NREP: variants seen among roughly 807,000 people sequenced by gnomAD.
The protein encoded by NREP is neuronal regeneration related protein.
NREP carries 5 observed loss-of-function variants against 8.6 expected under a neutral mutation model. The observed-to-expected ratio is 0.58, with a 90% CI of 0.30 to 1.22. NREP has a LOEUF of 1.22. Ranked by LOEUF, NREP falls within the 50% of genes most tolerant of loss-of-function variation. The probability of loss-of-function intolerance (pLI) is 0.07; values close to 1 mark genes in which losing one functional copy is unlikely to be tolerated. For synonymous variants in NREP, 27 were observed against 28.0 expected, an observed-to-expected ratio of 0.96 and a Z score of 0.11; for missense variants, 86 against 82.5, an observed-to-expected ratio of 1.04 and a Z score of -0.17.
chr5:111,874,302 C>A (rs1753855767), intron 2 of NREP, among the ~76,000 whole-genome samples: 1 of 152,124 alleles, frequency 6.6e-6, no homozygotes, highest in South Asian at 2.1e-4. Flanking sequence ...ACTAAGAACT[C>A]AATCTGGAAA....
intron 2 of NREP, among the ~76,000 whole-genome samples, chr5:111,897,121 A>T (rs1352210687): frequency 6.6e-6 from 1 of 152,122 alleles, no homozygotes. Context: ...TAAATAACAC[A>T]TTGTGATTTT....
chr5:111,825,088 T>C (rs181877794), intron 2 of NREP, among the ~76,000 whole-genome samples: 2 of 152,340 alleles, frequency 1.3e-5, no homozygotes, highest in East Asian at 3.8e-4. Flanking sequence ...TTATGTAGAC[T>C]CTATTTTCCT....
At chr5:111,757,229 TGGGGGGGGA>T, upstream of NREP, 2 of 180,912 alleles carry the variant, frequency 1.1e-5, no homozygotes, top group Non-Finnish European at 1.4e-5. Context: ...AAAGACAGAT[TGGGGGGGGA>T]GGGGGGATTG....
At chr5:111,947,664 G>A (rs890480013) in intron 2 of NREP, among the ~76,000 whole-genome samples, 12 of 152,012 alleles carry the variant, frequency 7.9e-5, no homozygotes, top group East Asian at 5.8e-4. Context: ...ATAGAGGTTC[G>A]AATACCTATA....
chr5:111,920,355 C>T (rs530504577), intron 2 of NREP, among the ~76,000 whole-genome samples: 8 of 151,944 alleles, frequency 5.3e-5, no homozygotes, highest in Non-Finnish European at 8.8e-5. Flanking sequence ...AAATTTGTTA[C>T]ATATGTATAC....
intron 2 of NREP, among the ~76,000 whole-genome samples, chr5:111,834,971 C>T (rs1445360609): frequency 6.6e-6 from 1 of 152,112 alleles, no homozygotes; most frequent in Non-Finnish European, 1.5e-5. Context: ...CTGTTTTAAC[C>T]TTCTTTGAAT....
In NREP at chr5:111,888,382, A is replaced by T. The variant is rs375798149; in HGVS notation, c.135+86892T>A. On this transcript the variant is annotated intron_variant, in intron 2 of 3. Coordinates refer to the NREP transcript ENST00000395634. Reference sequence around the variant, plus strand: ...GAAACTTACAATCATGGTGGGAGGCAAAGGAGAAGCAAGGCAACTTCTTCA... The same window carrying T: ...GAAACTTACAATCATGGTGGGAGGCTAAGGAGAAGCAAGGCAACTTCTTCA... Among the ~76,000 whole-genome samples, 23 of 152,106 alleles carry T rather than the reference A, an allele frequency of 1.5e-4. No individual in the cohort carries two copies. In the East Asian group the frequency reaches 1.5e-3, roughly 10 times the overall value.
chr5:111,960,165 G>A (rs1182111092), intron 2 of NREP, among the ~76,000 whole-genome samples: 2 of 152,158 alleles, frequency 1.3e-5, no homozygotes, highest in African/African-American at 4.8e-5. Context: ...AACACTGGCT[G>A]TGAGATTTTT....
chr5:111,975,350 T>C lies in NREP; in HGVS notation c.59A>G (p.Gln20Arg), dbSNP rs368831060. 8.5e-4 allele frequency: 1,324 copies of C among 1,551,658 alleles called. 2 individuals carry two copies. Among genetic ancestry groups the C allele is most frequent in the Non-Finnish European group, 1.1e-3 (1,215 of 1,146,934 alleles). Residue 20 changes from glutamine (Q) to arginine (R), a missense_variant, in exon 2 of 4, where the codon CAG becomes CGG. Coordinates refer to the NREP transcript ENST00000395634. Reference sequence around the variant, plus strand: ...GACTCTGTCTGTCATCCTGCTCCTCTGGGTTCGTGTTTCATCTTCTCTTCG... The same window carrying C: ...GACTCTGTCTGTCATCCTGCTCCTCCGGGTTCGTGTTTCATCTTCTCTTCG...
intron 2 of NREP, among the ~76,000 whole-genome samples, chr5:111,921,867 G>C (rs374035630): frequency 3.0e-4 from 45 of 152,256 alleles, no homozygotes; most frequent in Middle Eastern, 3.4e-3. Context: ...AGTCTCACTA[G>C]ATCTGATGGG....
intron 2 of NREP, among the ~76,000 whole-genome samples, chr5:111,751,556 C>T (rs1373738185): frequency 6.6e-6 from 1 of 152,180 alleles, no homozygotes; most frequent in African/African-American, 2.4e-5. Context: ...CTATCCAGTA[C>T]AAAGTAGAGG....
intron 2 of NREP, among the ~76,000 whole-genome samples, chr5:111,900,951 A>G (rs1381223932): frequency 6.6e-6 from 1 of 152,156 alleles, no homozygotes; most frequent in East Asian, 1.9e-4. Flanking sequence ...CTAGGCTACA[A>G]CAAATAAAGA....
chr5:111,782,894 C>G (rs1371856152), intron 2 of NREP, among the ~76,000 whole-genome samples: 2 of 151,952 alleles, frequency 1.3e-5, no homozygotes. Flanking sequence ...GGCACCAAAC[C>G]CGGCTAATTT....
intron 2 of NREP, among the ~76,000 whole-genome samples, chr5:111,923,838 G>A (rs964505584): frequency 9.2e-5 from 14 of 152,190 alleles, no homozygotes; most frequent in African/African-American, 3.1e-4. Context: ...CCCAAGCAAA[G>A]CTTGTTTTAA....
intron 2 of NREP, among the ~76,000 whole-genome samples, chr5:111,973,813 A>C (rs1184458842): frequency 6.6e-6 from 1 of 152,214 alleles, no homozygotes; most frequent in African/African-American, 2.4e-5. Flanking sequence ...TGTGTTCAGC[A>C]AACAAGGCAT....
chr5:111,923,072 C>A (rs1412453780), intron 2 of NREP, among the ~76,000 whole-genome samples: 1 of 152,056 alleles, frequency 6.6e-6, no homozygotes, highest in African/African-American at 2.4e-5. Context: ...CATGGGAGAC[C>A]CATTAGGAGT....
chr5:111,863,055 C>T (rs766508473), intron 2 of NREP, among the ~76,000 whole-genome samples: 2 of 151,810 alleles, frequency 1.3e-5, no homozygotes, highest in Non-Finnish European at 2.9e-5. Context: ...TTAATGATCA[C>T]TTTGACCTTA....
chr5:111,817,414 T>A (rs1044851089), intron 2 of NREP, among the ~76,000 whole-genome samples: 1 of 152,182 alleles, frequency 6.6e-6, no homozygotes. Context: ...ATTTCTGAAG[T>A]TTTTGTCAAT....
At chr5:111,867,236 A>T (rs1753688706) in intron 2 of NREP, among the ~76,000 whole-genome samples, 1 of 152,180 alleles carries the variant, frequency 6.6e-6, no homozygotes, top group Admixed American at 6.5e-5. Flanking sequence ...AGTGGCTTAA[A>T]CAACAGACAT....
Sources: gnomAD v4.1 joint callset for allele counts (sites outside exome capture counted in the v4.1 genomes callset) on GRCh38, gnomAD v4.1.1 for gene constraint, MANE v1.5 for transcripts, NCBI Gene and HGNC (gene_info 2026-07-23, HGNC 2026-07-21) for gene names.